Variants in SYN3 observed in about 807,000 individuals in gnomAD.
SYN3 encodes the protein synapsin-3.
A neutral mutation model predicts 65.8 loss-of-function variants in SYN3; 35 were observed. That is an observed-to-expected ratio of 0.53 (90% CI 0.41 to 0.70). The LOEUF is 0.70. Ranked by LOEUF, SYN3 falls within the 30% of genes least tolerant of loss-of-function variation. The pLI is 0.00. For missense variants in SYN3, 680 were observed against 749.0 expected (o/e 0.91, Z 1.08); for synonymous variants, 270 against 292.9 (o/e 0.92, Z 0.80).
chr22:32,868,610 C>T (rs1253011157), intron 5 of SYN3, among the ~76,000 whole-genome samples: 1 of 151,744 alleles, frequency 6.6e-6, no homozygotes, highest in Non-Finnish European at 1.5e-5. Flanking sequence ...CGCCACCATG[C>T]CTGGCTAATT....
chr22:32,824,256 C>T (rs1442068990), intron 6 of SYN3, among the ~76,000 whole-genome samples: 3 of 134,670 alleles, frequency 2.2e-5, no homozygotes, highest in East Asian at 4.3e-4. Flanking sequence ...CCAGCCTGGG[C>T]GACAGAGCAA....
At chr22:32,820,774 A>G (rs130287) in intron 6 of SYN3, among the ~76,000 whole-genome samples, 24,006 of 152,150 alleles carry the variant, frequency 0.16, 2,444 homozygotes, top group East Asian at 0.33. Context: ...ACTCATACCT[A>G]TTTGAAAGCC....
chr22:32,701,645 A>G (rs150185672), intron 6 of SYN3, among the ~76,000 whole-genome samples: 37 of 152,364 alleles, frequency 2.4e-4, no homozygotes, highest in African/African-American at 8.7e-4. Context: ...GAAATGAAAA[A>G]TACATTTAAG....
chr22:32,523,679 A>G (rs974944879), intron 12 of SYN3, among the ~76,000 whole-genome samples: 1 of 152,212 alleles, frequency 6.6e-6, no homozygotes, highest in African/African-American at 2.4e-5. Context: ...TAAGAACCCA[A>G]TAATGGCCTC....
intron 1 of SYN3, among the ~76,000 whole-genome samples, chr22:33,021,821 TC>T (rs2053566018): frequency 6.6e-6 from 1 of 151,332 alleles, no homozygotes; most frequent in African/African-American, 2.4e-5. Flanking sequence ...CATTTTCTGT[TC>T]CCTTTCATAG....
chr22:32,768,794 C>A (rs994618190), intron 6 of SYN3, among the ~76,000 whole-genome samples: 9 of 152,178 alleles, frequency 5.9e-5, no homozygotes, highest in African/African-American at 2.2e-4. Context: ...TGCTTCCTTT[C>A]ATCTCACACT....
At chr22:32,705,623 T>G (rs2060870664) in intron 6 of SYN3, among the ~76,000 whole-genome samples, 1 of 152,248 alleles carries the variant, frequency 6.6e-6, no homozygotes, top group African/African-American at 2.4e-5. Context: ...AAAATAGCAT[T>G]GAATCTGTAA....
intron 7 of SYN3, among the ~76,000 whole-genome samples, chr22:32,551,303 G>A (rs1195362651): frequency 6.6e-6 from 1 of 152,150 alleles, no homozygotes; most frequent in Non-Finnish European, 1.5e-5. Context: ...AGACTTGCCA[G>A]TCAGATGTGA....
chr22:32,853,564 G>A (rs1471913354), intron 6 of SYN3, among the ~76,000 whole-genome samples: 1 of 152,200 alleles, frequency 6.6e-6, no homozygotes, highest in African/African-American at 2.4e-5. Flanking sequence ...GGAACTTTGT[G>A]TAGATGCTAC....
At chr22:33,040,848 C>T (rs9609692) in intron 1 of SYN3, among the ~76,000 whole-genome samples, 4 of 151,942 alleles carry the variant, frequency 2.6e-5, no homozygotes, top group African/African-American at 4.8e-5. Flanking sequence ...AAATTTCCTG[C>T]GGCCTCCCCA....
intron 4 of SYN3, among the ~76,000 whole-genome samples, chr22:32,878,379 C>T (rs2049035495): frequency 1.3e-5 from 2 of 152,204 alleles, no homozygotes; most frequent in Admixed American, 1.3e-4. Flanking sequence ...CTACACTCTC[C>T]ACTCCTCATT....
At chr22:32,695,918 A>G (rs2060730752) in intron 6 of SYN3, among the ~76,000 whole-genome samples, 1 of 152,128 alleles carries the variant, frequency 6.6e-6, no homozygotes, top group Admixed American at 6.5e-5. Context: ...CTGGTAACAT[A>G]TAGGACTCCT....
At chr22:33,055,174 G>A (rs2054234695) in intron 1 of SYN3, among the ~76,000 whole-genome samples, 1 of 152,182 alleles carries the variant, frequency 6.6e-6, no homozygotes, top group African/African-American at 2.4e-5. Flanking sequence ...TCTCCTCCCA[G>A]AGGCATAACA....
intron 6 of SYN3, among the ~76,000 whole-genome samples, chr22:32,847,041 T>G (rs1915103621): frequency 6.6e-6 from 1 of 152,164 alleles, no homozygotes; most frequent in Non-Finnish European, 1.5e-5. Context: ...TGAACCAGGA[T>G]GTTGCTATTT....
intron 7 of SYN3, among the ~76,000 whole-genome samples, chr22:32,594,644 C>T (rs2899191): frequency 0.34 from 51,757 of 152,002 alleles, 9,434 homozygotes; most frequent in East Asian, 0.65. Flanking sequence ...TGCGCAACCA[C>T]GCCTGGCTAA....
intron 3 of SYN3, among the ~76,000 whole-genome samples, chr22:32,946,456 AC>A (rs1444045323): frequency 1.3e-5 from 2 of 150,910 alleles, no homozygotes; most frequent in East Asian, 3.9e-4. Context: ...AAAACCAAAC[AC>A]CGCATGTTCT....
chr22:32,696,469 T>G (rs537607338), intron 6 of SYN3, among the ~76,000 whole-genome samples: 1 of 152,348 alleles, frequency 6.6e-6, no homozygotes, highest in East Asian at 1.9e-4. Context: ...GATGGAATTT[T>G]CTGTTATATT....
At chr22:32,935,512 G>A (rs187166319) in intron 3 of SYN3, among the ~76,000 whole-genome samples, 143 of 147,010 alleles carry the variant, frequency 9.7e-4, no homozygotes, top group Non-Finnish European at 1.2e-3. Context: ...GTGCAACGGC[G>A]TGATCTCAGC....
chr22:32,573,763 G>GT (rs2058811027), intron 7 of SYN3, among the ~76,000 whole-genome samples: 2 of 141,886 alleles, frequency 1.4e-5, no homozygotes, highest in African/African-American at 2.8e-5. Context: ...GGAAGGAAGG[G>GT]GTTTTTTTTT....
Sources: gnomAD v4.1 joint callset for allele counts (sites outside exome capture counted in the v4.1 genomes callset) on GRCh38, gnomAD v4.1.1 for gene constraint, MANE v1.5 for transcripts, NCBI Gene and HGNC (gene_info 2026-07-23, HGNC 2026-07-21) for gene names.